The following TTC28 variants were observed in gnomAD, a reference collection of about 807,000 sequenced individuals.
The protein encoded by TTC28 is tetratricopeptide repeat domain 28.
A neutral mutation model predicts 198.0 loss-of-function variants in TTC28; 61 were observed. That is an observed-to-expected ratio of 0.31 (90% CI 0.25 to 0.38). The LOEUF (loss-of-function observed/expected upper bound fraction) is 0.38, where lower values mean the gene tolerates loss of function less well. TTC28 is among the 10% of genes least tolerant of loss of function. The pLI, the probability that TTC28 is intolerant of heterozygous loss-of-function variation, is 1.00. For missense variants in TTC28, 2,678 were observed against 3,164.0 expected (o/e 0.85, Z 3.69); for synonymous variants, 1,171 against 1,297.8 (o/e 0.90, Z 2.10).
chr22:28,025,958 C>T lies in TTC28; in HGVS notation c.4073+4268G>A, dbSNP rs913571548. 2.6e-5 allele frequency among the ~76,000 whole-genome samples: 4 copies of T among 152,348 alleles called. No homozygotes were observed. The South Asian group carries it at 6.2e-4, about 24-fold the overall frequency. On this transcript the variant is annotated intron_variant, in intron 13 of 22. Coordinates refer to ENST00000397906, the MANE Select transcript of TTC28 (RefSeq NM_001145418.2). ...GCCAGGTCTCAGCTTACCGGCCAGG[C>T]TGGCCTTGTGGAGATGGCTCTCCTC... is the stretch of plus-strand genomic sequence containing the variant.
At position 27,979,137 on chromosome 22, in the gene TTC28, A is replaced by C. The variant is rs1936936687; in HGVS notation, c.*3084T>G. 6.6e-6 allele frequency: 1 copy of C among 152,144 alleles called. No individual in the cohort carries two copies. The highest frequency in any genetic ancestry group is 2.4e-5 in the African/African-American group (1 of 41,422). The allele number at this position is 152,144 out of a possible 1,614,324, so 9.4% of individuals were successfully genotyped here. A position where few individuals can be genotyped will look rare whatever the true frequency, so the allele number is the denominator to read the frequency against. On this transcript the variant is annotated 3_prime_UTR_variant, in exon 23 of 23. Transcript: ENST00000397906. Reference sequence around the variant, plus strand: ...GCTTTTCCTAGACTGGAGAAACAAAACGTTATTCCATTTTCTGTCATCCAT... The same window carrying C: ...GCTTTTCCTAGACTGGAGAAACAAACCGTTATTCCATTTTCTGTCATCCAT...
At chr22:28,032,066 C>T (rs1394514015) in intron 12 of TTC28, among the ~76,000 whole-genome samples, 1 of 151,138 alleles carries the variant, frequency 6.6e-6, no homozygotes, top group Non-Finnish European at 1.5e-5. Context: ...TCAGCCTCCA[C>T]AACCACATGA....
At chr22:28,491,373 T>G (rs947333034) in intron 2 of TTC28, among the ~76,000 whole-genome samples, 3 of 152,198 alleles carry the variant, frequency 2.0e-5, no homozygotes, top group Non-Finnish European at 2.9e-5. Flanking sequence ...GACAAAGGGC[T>G]AATATCCAGA....
intron 5 of TTC28, among the ~76,000 whole-genome samples, chr22:28,166,586 G>A (rs1048314622): frequency 5.8e-4 from 88 of 152,280 alleles, no homozygotes; most frequent in African/African-American, 1.9e-3. Context: ...GGTACATAAC[G>A]AAATGAAGGC....
chr22:28,306,622 C>T lies in TTC28; in HGVS notation c.403G>A (p.Ala135Thr). 1 of 1,551,496 alleles carries T rather than the reference C, an allele frequency of 6.4e-7. No homozygotes were observed. The highest frequency in any genetic ancestry group is 2.4e-5 in the East Asian group (1 of 40,902). The stretch of plus-strand genomic sequence containing the variant: ...GCATGACGTCCAAGGTACTGGAGGG[C>T]AACACCCTGTCGGAAGTATGCCTAG... ...WPKAYFRQGV[A>T]LQYLGRHADA... The change falls in exon 3 of 23, where the codon GCC becomes ACC. Residue 135 changes from alanine to threonine, a missense_variant. Physicochemically the swap from Ala to Thr is moderately conservative, Grantham distance 58. This residue lies in a region of TTC28 where 176 missense variants were observed against 197.9 expected (regional missense o/e 0.89). Transcript: ENST00000397906.
At chr22:28,014,196 T>C (rs1938264525) in intron 14 of TTC28, 52 bp downstream of exon 14, 1 of 1,511,112 alleles carries the variant, frequency 6.6e-7, no homozygotes, top group African/African-American at 1.4e-5. Context: ...CGCTGACTGG[T>C]AAGCGATGTG....
chr22:28,416,557 G>C (rs1352685763), intron 2 of TTC28, among the ~76,000 whole-genome samples: 1 of 152,148 alleles, frequency 6.6e-6, no homozygotes, highest in African/African-American at 2.4e-5. Flanking sequence ...TGTTGTTGTT[G>C]TTGTTGTTCT....
intron 5 of TTC28, among the ~76,000 whole-genome samples, chr22:28,287,625 A>G (rs2044708827): frequency 6.6e-6 from 1 of 152,136 alleles, no homozygotes; most frequent in Non-Finnish European, 1.5e-5. Flanking sequence ...GCAGAAGGCC[A>G]GTAGACTTGC....
intron 1 of TTC28, among the ~76,000 whole-genome samples, chr22:28,631,623 C>G (rs187427945): frequency 1.1e-3 from 167 of 152,218 alleles, no homozygotes; most frequent in African/African-American, 3.8e-3. Context: ...CTTCTGGACT[C>G]AAGCAGTCTT....
At chr22:28,512,054 C>T (rs549206073) in intron 2 of TTC28, among the ~76,000 whole-genome samples, 209 of 151,382 alleles carry the variant, frequency 1.4e-3, no homozygotes, top group African/African-American at 4.7e-3. Context: ...ATCCATCTGA[C>T]GAAGGTCTAA....
intron 5 of TTC28, among the ~76,000 whole-genome samples, chr22:28,269,304 T>G (rs1291280489): frequency 6.6e-6 from 1 of 152,092 alleles, no homozygotes; most frequent in Non-Finnish European, 1.5e-5. Flanking sequence ...GAATACAGGG[T>G]CCCTCGGGAA....
chr22:28,456,808 T>A (rs1232613871), intron 2 of TTC28, among the ~76,000 whole-genome samples: 1 of 152,186 alleles, frequency 6.6e-6, no homozygotes, highest in Non-Finnish European at 1.5e-5. Context: ...TCTCTTGACC[T>A]CGTGATCCGC....
intron 5 of TTC28, among the ~76,000 whole-genome samples, chr22:28,208,736 T>C (rs1261231440): frequency 6.6e-6 from 1 of 152,286 alleles, no homozygotes; most frequent in Non-Finnish European, 1.5e-5. Flanking sequence ...TATGTGCATA[T>C]ATTTTTTCCA....
intron 5 of TTC28, among the ~76,000 whole-genome samples, chr22:28,273,504 A>G (rs997483653): frequency 6.6e-6 from 1 of 152,144 alleles, no homozygotes; most frequent in Non-Finnish European, 1.5e-5. Flanking sequence ...GGACATAGCT[A>G]AAGAGAGATC....
At chr22:28,246,361 T>C (rs1199334014) in intron 5 of TTC28, among the ~76,000 whole-genome samples, 1 of 152,156 alleles carries the variant, frequency 6.6e-6, no homozygotes, top group Non-Finnish European at 1.5e-5. Context: ...AAAACAGGTA[T>C]TCAAGAAATG....
chr22:28,635,193 C>T (rs1352764984), intron 1 of TTC28, among the ~76,000 whole-genome samples: 1 of 151,968 alleles, frequency 6.6e-6, no homozygotes, highest in Non-Finnish European at 1.5e-5. Flanking sequence ...TGGTGGCGGG[C>T]ACCTGTAGTC....
intron 2 of TTC28, among the ~76,000 whole-genome samples, chr22:28,512,240 C>T (rs554829379): frequency 6.6e-5 from 10 of 152,036 alleles, no homozygotes; most frequent in East Asian, 1.9e-4. Flanking sequence ...AAAACCACAA[C>T]GAGATATCAT....
chr22:28,481,292 A>G (rs1234698831), intron 2 of TTC28, among the ~76,000 whole-genome samples: 1 of 152,232 alleles, frequency 6.6e-6, no homozygotes, highest in African/African-American at 2.4e-5. Context: ...TACATTTCAG[A>G]GTAACACTGG....
rs991583379 is a variant in TTC28 at position 28,213,572 on chromosome 22, G to C, written c.934-49973C>G. Among the ~76,000 whole-genome samples, 67 of 111,016 alleles carry C rather than the reference G, an allele frequency of 6.0e-4. 1 individual carries two copies. The highest frequency in any genetic ancestry group is 1.5e-3 in the Admixed American group (15 of 10,162). The allele number at this position is 111,016 out of a possible 152,430, so 72.8% of individuals were successfully genotyped here. ...AAATACCTAGGAATCCAACTTACAA[G>C]GGATGTGAAGGACCTCTTCAAGGAG... is the stretch of plus-strand genomic sequence containing the variant. On this transcript the variant is annotated intron_variant, in intron 5 of 22. Transcript: ENST00000397906.
Sources: allele counts gnomAD v4.1 joint callset (sites outside exome capture counted in the v4.1 genomes callset), GRCh38; gene constraint gnomAD v4.1.1; regional missense constraint gnomAD v4.1.1; transcripts MANE v1.5; gene names NCBI Gene and HGNC (gene_info 2026-07-23, HGNC 2026-07-21).